The following SLC38A9 variants were observed in gnomAD, a reference collection of about 807,000 sequenced individuals.
SLC38A9 encodes the protein solute carrier family 38 member 9, also known as neutral amino acid transporter 9.
SLC38A9 carries 48 observed loss-of-function variants against 62.3 expected under a neutral mutation model. The ratio of observed to expected loss-of-function variants is 0.77; its 90% CI spans 0.61 to 0.98. The LOEUF (loss-of-function observed/expected upper bound fraction) is 0.98. Among genes scored for constraint, SLC38A9 ranks in the 50% least tolerant of loss-of-function variants. The probability of loss-of-function intolerance (pLI) is 0.00; values close to 1 mark genes in which losing one functional copy is unlikely to be tolerated. For missense variants in SLC38A9, 541 were observed against 679.8 expected, an observed-to-expected ratio of 0.80 and a Z score of 2.27; for synonymous variants, 204 against 227.7, an observed-to-expected ratio of 0.90 and a Z score of 0.94.
chr5:55,645,341 C>T (rs1482334448), intron 12 of SLC38A9, among the ~76,000 whole-genome samples: 1 of 152,210 alleles, frequency 6.6e-6, no homozygotes, highest in African/African-American at 2.4e-5. Flanking sequence ...AGGCCTGAGC[C>T]ACCACGCCCA....
intron 14 of SLC38A9, among the ~76,000 whole-genome samples, chr5:55,631,274 C>T (rs1743397322): frequency 1.3e-5 from 2 of 151,886 alleles, no homozygotes; most frequent in Admixed American, 6.6e-5. Context: ...AATTATGCTC[C>T]AAAGTATGCA....
intron 2 of SLC38A9, among the ~76,000 whole-genome samples, chr5:55,701,503 C>G (rs3846509): frequency 0.55 from 82,996 of 152,004 alleles, 24,001 homozygotes; most frequent in South Asian, 0.65. Flanking sequence ...TCAAATATAT[C>G]CAGAATCTAA....
At chr5:55,683,517 T>C (rs551059223) in intron 3 of SLC38A9, among the ~76,000 whole-genome samples, 7 of 152,342 alleles carry the variant, frequency 4.6e-5, no homozygotes, top group South Asian at 2.1e-4. Flanking sequence ...CAAGAAGTTA[T>C]TGAAGAAAAT....
intron 9 of SLC38A9, among the ~76,000 whole-genome samples, chr5:55,653,885 T>C (rs1747956955): frequency 6.6e-6 from 1 of 152,090 alleles, no homozygotes; most frequent in African/African-American, 2.4e-5. Flanking sequence ...TCACGAACTC[T>C]TGACCTCGTG....
chr5:55,644,277 C>T (rs891549317), intron 12 of SLC38A9, among the ~76,000 whole-genome samples: 6 of 151,918 alleles, frequency 3.9e-5, no homozygotes, highest in African/African-American at 1.4e-4. Flanking sequence ...AATCTTTTAA[C>T]TGCAGAGTCT....
chr5:55,653,286 C>G (rs1747860749), intron 9 of SLC38A9, among the ~76,000 whole-genome samples: 2 of 152,142 alleles, frequency 1.3e-5, no homozygotes, highest in Non-Finnish European at 2.9e-5. Flanking sequence ...TATCTTTAAA[C>G]TCTACTGGAA....
intron 12 of SLC38A9, among the ~76,000 whole-genome samples, chr5:55,640,126 G>C (rs73123900): frequency 0.049 from 7,409 of 151,646 alleles, 310 homozygotes; most frequent in African/African-American, 0.11. Context: ...GCTGGGATTG[G>C]AGGGGCCCAC....
chr5:55,656,918 T>C (rs1446240848), intron 8 of SLC38A9, 144 bp from the exon 9 acceptor site: 2 of 376,512 alleles, frequency 5.3e-6, no homozygotes, highest in Non-Finnish European at 9.3e-6. Flanking sequence ...TAGAGTGCAG[T>C]GGCACGATCT....
chr5:55,691,391 T>C, intron 3 of SLC38A9: 1 of 1,347,070 alleles, frequency 7.4e-7, no homozygotes, highest in East Asian at 2.7e-5. Context: ...AGTGAATTCC[T>C]GCCCTGGGTA....
chr5:55,701,404 T>G (rs1756627921), intron 2 of SLC38A9, among the ~76,000 whole-genome samples: 1 of 152,248 alleles, frequency 6.6e-6, no homozygotes, highest in South Asian at 2.1e-4. Context: ...TCTTTCTACT[T>G]GCTCAGGCCA....
At chr5:55,672,763 A>G in intron 3 of SLC38A9, 68 bp from the exon 4 acceptor site, 5 of 1,519,038 alleles carry the variant, frequency 3.3e-6, no homozygotes, top group Non-Finnish European at 4.5e-6. Flanking sequence ...CCTTTGAAGA[A>G]AATAACTTCT....
Position 55,709,207 on chromosome 5 carries a change from A to G in SLC38A9, c.-35+2245T>C, listed in dbSNP as rs941408575. ...TGCTGGAGGATAGTGTGGTCTCACA[A>G]AAAAATTACCAAAGCAACGCTGTGG... On this transcript the variant is annotated intron_variant, in intron 2 of 15. Coordinates refer to ENST00000396865, the MANE Select transcript of SLC38A9 (RefSeq NM_173514.4). 2.0e-5 allele frequency among the ~76,000 whole-genome samples: 3 copies of G among 152,128 alleles called. No homozygotes were observed. The East Asian group carries it at 5.8e-4, about 29-fold the overall frequency.
intron 2 of SLC38A9, among the ~76,000 whole-genome samples, chr5:55,709,412 T>C (rs1414959972): frequency 2.0e-5 from 3 of 152,002 alleles, no homozygotes; most frequent in Non-Finnish European, 4.4e-5. Flanking sequence ...AGCCCATATA[T>C]ACTTTTTAAA....
chr5:55,703,591 A>C (rs1756927277), intron 2 of SLC38A9, among the ~76,000 whole-genome samples: 1 of 152,212 alleles, frequency 6.6e-6, no homozygotes, highest in South Asian at 2.1e-4. Context: ...ATTTCATTAA[A>C]ATAGTTGAGC....
At chr5:55,710,319 C>T (rs1757852232) in intron 2 of SLC38A9, among the ~76,000 whole-genome samples, 1 of 151,224 alleles carries the variant, frequency 6.6e-6, no homozygotes, top group Non-Finnish European at 1.5e-5. Flanking sequence ...TCTCCTGCCT[C>T]AGCATCCCAA....
chr5:55,632,827 C>T (rs986957066), intron 14 of SLC38A9, among the ~76,000 whole-genome samples: 30 of 152,102 alleles, frequency 2.0e-4, no homozygotes, highest in Admixed American at 1.7e-3. Context: ...CTCAGAGAGG[C>T]TAAGAATCTA....
At chr5:55,707,967 C>T (rs774978891) in intron 2 of SLC38A9, among the ~76,000 whole-genome samples, 31 of 152,112 alleles carry the variant, frequency 2.0e-4, no homozygotes, top group Non-Finnish European at 3.4e-4. Flanking sequence ...AAGCAGAGAC[C>T]GGGTCCTCAC....
chr5:55,691,131 C>G, intron 3 of SLC38A9: 1 of 716,334 alleles, frequency 1.4e-6, no homozygotes. Flanking sequence ...TATCAGAGCA[C>G]CTGAAATGTT....
chr5:55,659,190 C>G (rs7730418), intron 8 of SLC38A9, among the ~76,000 whole-genome samples: 90,537 of 151,124 alleles, frequency 0.6, 27,720 homozygotes, highest in South Asian at 0.7. Flanking sequence ...AGAAAGATTT[C>G]CTTATGAACA....
Sources: gnomAD v4.1 joint callset for allele counts (sites outside exome capture counted in the v4.1 genomes callset) on GRCh38, gnomAD v4.1.1 for gene constraint, MANE v1.5 for transcripts, NCBI Gene and HGNC (gene_info 2026-07-23, HGNC 2026-07-21) for gene names.